The following GPC6 variants were observed in gnomAD, a reference collection of about 807,000 sequenced individuals.
GPC6 encodes glypican-6.
A neutral mutation model predicts 55.2 loss-of-function variants in GPC6; 14 were observed. The observed-to-expected ratio is 0.25, with a 90% confidence interval of 0.17 to 0.40. The LOEUF (loss-of-function observed/expected upper bound fraction) is 0.40. Ranked by LOEUF, GPC6 falls within the 10% of genes least tolerant of loss-of-function variation. The pLI is 1.00. For synonymous variants in GPC6, 278 were observed against 259.6 expected (o/e 1.07, Z -0.68); for missense variants, 641 against 708.5 (o/e 0.90, Z 1.08).
chr13:93,269,871 G>C (rs549901754), intron 1 of GPC6, among the ~76,000 whole-genome samples: 1 of 123,712 alleles, frequency 8.1e-6, no homozygotes, highest in Admixed American at 1.0e-4. Context: ...CAGCCTGGGC[G>C]ACAGAGCAAG....
intron 1 of GPC6, among the ~76,000 whole-genome samples, chr13:93,361,776 T>C (rs548543677): frequency 6.6e-6 from 1 of 152,258 alleles, no homozygotes; most frequent in Non-Finnish European, 1.5e-5. Context: ...GCAGTAGTGG[T>C]TAGGCAGAAA....
intron 7 of GPC6, among the ~76,000 whole-genome samples, chr13:94,389,921 A>T (rs1448323875): frequency 6.6e-6 from 1 of 152,178 alleles, no homozygotes; most frequent in Non-Finnish European, 1.5e-5. Context: ...TGGCTGAGGG[A>T]CAAAATTAAT....
chr13:93,645,341 A>T (rs149753114), intron 2 of GPC6, among the ~76,000 whole-genome samples: 1 of 152,092 alleles, frequency 6.6e-6, no homozygotes, highest in Non-Finnish European at 1.5e-5. Flanking sequence ...TGCATTGGCA[A>T]TGCAGTAGGT....
intron 1 of GPC6, among the ~76,000 whole-genome samples, chr13:93,303,994 G>A (rs568046669): frequency 5.4e-5 from 8 of 149,446 alleles, no homozygotes; most frequent in South Asian, 4.3e-4. Flanking sequence ...TCAGCCTCCC[G>A]AGCAGCTGGG....
intron 7 of GPC6, among the ~76,000 whole-genome samples, chr13:94,397,604 C>G (rs1013918868): frequency 6.6e-6 from 1 of 152,132 alleles, no homozygotes; most frequent in Admixed American, 6.5e-5. Flanking sequence ...TTTTTCATAT[C>G]CAGAATTTCT....
chr13:94,202,396 G>A (rs1323653909), intron 4 of GPC6, among the ~76,000 whole-genome samples: 3 of 152,208 alleles, frequency 2.0e-5, no homozygotes, highest in Non-Finnish European at 4.4e-5. Context: ...CACGGCTGGG[G>A]AAGTCTCACA....
intron 7 of GPC6, among the ~76,000 whole-genome samples, chr13:94,392,290 G>C (rs1880680674): frequency 6.6e-6 from 1 of 151,726 alleles, no homozygotes; most frequent in African/African-American, 2.4e-5. Context: ...AATCCAAGTA[G>C]CAGCTGTAAT....
At chr13:93,889,493 A>G (rs1298313692) in intron 3 of GPC6, among the ~76,000 whole-genome samples, 1 of 152,154 alleles carries the variant, frequency 6.6e-6, no homozygotes, top group Non-Finnish European at 1.5e-5. Flanking sequence ...TTATGGAGCT[A>G]TGGTTATCAT....
At chr13:93,222,342 A>C (rs1875648336), upstream of GPC6, among the ~76,000 whole-genome samples, 1 of 152,190 alleles carries the variant, frequency 6.6e-6, no homozygotes, top group Non-Finnish European at 1.5e-5. Flanking sequence ...TTCTCTTTTT[A>C]TGTCCACTCA....
At chr13:93,948,555 T>C (rs1337375216) in intron 3 of GPC6, among the ~76,000 whole-genome samples, 1 of 152,214 alleles carries the variant, frequency 6.6e-6, no homozygotes, top group Non-Finnish European at 1.5e-5. Flanking sequence ...TTTAAATTGT[T>C]GTCCCTGATA....
At chr13:93,495,776 C>A (rs917852177) in intron 1 of GPC6, among the ~76,000 whole-genome samples, 4 of 142,436 alleles carry the variant, frequency 2.8e-5, no homozygotes, top group African/African-American at 7.8e-5. Flanking sequence ...TGTTGGAATA[C>A]CCTGCCGTGT....
intron 1 of GPC6, among the ~76,000 whole-genome samples, chr13:93,234,794 T>C (rs61963741): frequency 0.16 from 23,878 of 152,038 alleles, 2,137 homozygotes; most frequent in Middle Eastern, 0.25. Context: ...GCAATAAAAA[T>C]ACTTTAGCAT....
At chr13:94,315,958 C>T (rs1876498690) in intron 6 of GPC6, among the ~76,000 whole-genome samples, 1 of 101,236 alleles carries the variant, frequency 9.9e-6, no homozygotes, top group Admixed American at 8.8e-5. Context: ...TTTTTTTTAG[C>T]TCATCAGCCA....
chr13:93,288,220 T>TA (rs776295712), intron 1 of GPC6, among the ~76,000 whole-genome samples: 9 of 152,168 alleles, frequency 5.9e-5, no homozygotes, highest in Non-Finnish European at 1.2e-4. Flanking sequence ...TTGAATATAT[T>TA]AAAAAATGTT....
chr13:94,329,029 C>CG (rs796245722), intron 6 of GPC6, among the ~76,000 whole-genome samples: 40 of 151,850 alleles, frequency 2.6e-4, no homozygotes, highest in South Asian at 4.2e-4. Context: ...GGAAGAACCC[C>CG]GGGGGGGGCT....
At chr13:94,273,702 T>C (rs1892114705) in intron 4 of GPC6, among the ~76,000 whole-genome samples, 1 of 152,282 alleles carries the variant, frequency 6.6e-6, no homozygotes, top group Admixed American at 6.5e-5. Context: ...GGAGCTGCTG[T>C]TTACATTTAA....
intron 6 of GPC6, among the ~76,000 whole-genome samples, chr13:94,334,923 G>A (rs944377125): frequency 3.3e-5 from 5 of 152,112 alleles, no homozygotes; most frequent in African/African-American, 1.2e-4. Flanking sequence ...ATGGTGATTG[G>A]GTGATTAAAG....
At chr13:94,373,021 A>G (rs1322075706) in intron 6 of GPC6, among the ~76,000 whole-genome samples, 1 of 152,228 alleles carries the variant, frequency 6.6e-6, no homozygotes, top group African/African-American at 2.4e-5. Flanking sequence ...TTAGAAGGAA[A>G]ACTAAAAAAC....
intron 4 of GPC6, among the ~76,000 whole-genome samples, chr13:94,230,086 T>A (rs950717193): frequency 6.6e-6 from 1 of 152,122 alleles, no homozygotes; most frequent in African/African-American, 2.4e-5. Flanking sequence ...GGGCAGATTA[T>A]TTAGTTTGTC....
Sources: allele counts gnomAD v4.1 joint callset (sites outside exome capture counted in the v4.1 genomes callset), GRCh38; gene constraint gnomAD v4.1.1; transcripts MANE v1.5; gene names NCBI Gene and HGNC (gene_info 2026-07-23, HGNC 2026-07-21).